The following DNA2 variants were observed in gnomAD, a reference collection of about 807,000 sequenced individuals.
The protein encoded by DNA2 is DNA replication helicase/nuclease 2.
DNA2 carries 101 observed loss-of-function variants against 119.1 expected under a neutral mutation model. That is an observed-to-expected ratio of 0.85 (90% CI 0.72 to 1.00). The LOEUF (loss-of-function observed/expected upper bound fraction) is 1.00. Among genes scored for constraint, DNA2 ranks in the 50% least tolerant of loss-of-function variants. DNA2 has a pLI of 0.00. For missense variants in DNA2, 1,121 were observed against 1,255.5 expected, an observed-to-expected ratio of 0.89 and a Z score of 1.62; for synonymous variants, 366 against 424.4, an observed-to-expected ratio of 0.86 and a Z score of 1.69.
At chr10:68,448,979 GTGTGTGTA>G (rs2052081408) in intron 6 of DNA2, among the ~76,000 whole-genome samples, 1 of 139,140 alleles carries the variant, frequency 7.2e-6, no homozygotes, top group Non-Finnish European at 1.5e-5. Flanking sequence ...GTGTGTGTGT[GTGTGTGTA>G]GTAGTTTCAC....
chr10:68,449,683 GGAGGCTGAGGAAGGCAGATCAC>G (rs1305094133), intron 6 of DNA2, among the ~76,000 whole-genome samples: 10 of 152,130 alleles, frequency 6.6e-5, no homozygotes, highest in Admixed American at 1.3e-4. Context: ...CAGCACTTTG[GGAGGCTGAGGAAGGCAGATCAC>G]GAGGTCAGAC....
At position 68,419,754 on chromosome 10, in the gene DNA2, C is replaced by CTTTTTTTTTTTTTTTTTTTTTT. The variant is rs1429308709; in HGVS notation, c.2787+48_2787+49insAAAAAAAAAAAAAAAAAAAAAA. On this transcript the variant is annotated intron_variant, in intron 18 of 20. Transcript: ENST00000358410. ...TGTAAGTGTCTTACAGTCTAACATT[C>CTTTTTTTTTTTTTTTTTTTTTT]TTTTATTCTGCACTTTAATATTTGC... 3 of 1,390,598 alleles carry CTTTTTTTTTTTTTTTTTTTTTT rather than the reference C, an allele frequency of 2.2e-6. No individual in the cohort carries two copies. The African/African-American group carries it at 4.3e-5, about 20-fold the overall frequency. The allele number at this position is 1,390,598 out of a possible 1,614,324, so 86.1% of individuals were successfully genotyped here. A position where few individuals can be genotyped will look rare whatever the true frequency, so the allele number is the denominator to read the frequency against.
chr10:68,424,619 T>A, intron 14 of DNA2: 1 of 1,496,110 alleles, frequency 6.7e-7, no homozygotes, highest in Non-Finnish European at 9.3e-7. Context: ...GTCACTTCCA[T>A]GCCCCCTTGC....
chr10:68,425,046 G>T, intron 14 of DNA2: 2 of 399,440 alleles, frequency 5.0e-6, no homozygotes, highest in Middle Eastern at 9.0e-4. Flanking sequence ...TTAGGCTAGT[G>T]TGTGTTTCTT....
At position 68,414,751 on chromosome 10, in the gene DNA2, TA is replaced by T. The variant is rs2051566976; in HGVS notation, c.*287del. 1 of 289,410 alleles carries T rather than the reference TA, an allele frequency of 3.5e-6. No homozygotes were observed. Among genetic ancestry groups the T allele is most frequent in the Non-Finnish European group, 6.5e-6 (1 of 153,154 alleles). 17.9% of individuals were successfully genotyped at this position (289,410 alleles called of 1,614,324 possible). On this transcript the variant is annotated 3_prime_UTR_variant, in exon 21 of 21. Coordinates refer to ENST00000358410, the MANE Select transcript of DNA2 (RefSeq NM_001080449.3). ...CTTTCAAATAAAGTTCTTACAATGA[TA>T]TCTACAAAATCAAATTAGTCCTGAA...
At chr10:68,423,196 A>C (rs1333755383) in intron 14 of DNA2, among the ~76,000 whole-genome samples, 1 of 151,824 alleles carries the variant, frequency 6.6e-6, no homozygotes, top group African/African-American at 2.4e-5. Flanking sequence ...TTGTTTGTTT[A>C]ATGTCAACCA....
chr10:68,440,300 T>G (rs1477611288), intron 9 of DNA2, among the ~76,000 whole-genome samples: 2 of 151,966 alleles, frequency 1.3e-5, no homozygotes, highest in Non-Finnish European at 2.9e-5. Context: ...TATTTTTTAT[T>G]TATTTATTTA....
intron 8 of DNA2, among the ~76,000 whole-genome samples, chr10:68,444,280 T>C (rs1164932978): frequency 1.3e-5 from 2 of 150,220 alleles, no homozygotes; most frequent in Admixed American, 1.3e-4. Flanking sequence ...GTCCCAGCTA[T>C]TCGGGAAGCT....
chr10:68,448,932 G>GGTGTGTGTGTGTGTGTGTGT (rs776191186), intron 6 of DNA2, among the ~76,000 whole-genome samples: 2 of 142,202 alleles, frequency 1.4e-5, no homozygotes, highest in African/African-American at 2.6e-5. Flanking sequence ...CACCACACCA[G>GGTGTGTGTGTGTGTGTGTGT]GTGTGTGTGT....
Position 68,415,189 on chromosome 10 carries a change from T to C in DNA2, c.3115-82A>G, listed in dbSNP as rs1052999168. The C allele has an allele frequency of 5.5e-5, 49 of 885,264 alleles. No individual in the cohort carries two copies. The highest frequency in any genetic ancestry group is 1.6e-4 in the African/African-American group (9 of 56,008). The allele number at this position is 885,264 out of a possible 1,614,324, so 54.8% of individuals were successfully genotyped here. On this transcript the variant is annotated intron_variant, in intron 20 of 20. Transcript: ENST00000358410. ...ACATTATTATTTAACATTTTGTAAT[T>C]TGACTTACAGGACCACAAAAAAAAA...
intron 5 of DNA2, among the ~76,000 whole-genome samples, chr10:68,457,534 G>C (rs960275491): frequency 6.6e-6 from 1 of 152,032 alleles, no homozygotes; most frequent in African/African-American, 2.4e-5. Context: ...ATTAATCACA[G>C]TCTGGTCCCC....
rs988943850 is a variant in DNA2, at chr10:68,451,759, C to CT, written c.720-1513dup. Among the ~76,000 whole-genome samples the CT allele has an allele frequency of 7.9e-3, 1,127 of 142,552 alleles. 6 individuals carry two copies. Among genetic ancestry groups the CT allele is most frequent in the African/African-American group, 0.025 (991 of 39,016 alleles). 93.5% of individuals were successfully genotyped at this position (142,552 alleles called of 152,430 possible). A position where few individuals can be genotyped will look rare whatever the true frequency, so the allele number is the denominator to read the frequency against. ...TCTTTTTTTGGACAGCTATTTCTTCCTTTTTTTTTTTAATAGAGACAGGCT... is the reference window on the plus strand; with the variant it reads ...TCTTTTTTTGGACAGCTATTTCTTCCTTTTTTTTTTTTAATAGAGACAGGCT... On this transcript the variant is annotated intron_variant, in intron 5 of 20. Coordinates refer to ENST00000358410, the MANE Select transcript of DNA2 (RefSeq NM_001080449.3).
Position 68,442,982 on chromosome 10 carries a change from C to A in DNA2, c.1350G>T (p.Leu450=). Residue 450 remains leucine (L), a synonymous_variant, in exon 9 of 21, where the codon CTG becomes CTT. Transcript: ENST00000358410. ...TTTTATTATCCTTCGATTGTGACTC[C>A]AGGGTTAACATTAGACACCAAAGGC... The part of the protein sequence containing the change: ...YFSLWCLMLT[L]ESQSKDNKKN... 3 of 1,612,530 alleles carry A rather than the reference C, an allele frequency of 1.9e-6. No individual in the cohort carries two copies. Among genetic ancestry groups the A allele is most frequent in the African/African-American group, 2.7e-5 (2 of 75,026 alleles).
At chr10:68,424,818 C>A (rs190448952) in intron 14 of DNA2, 64 of 975,672 alleles carry the variant, frequency 6.6e-5, no homozygotes, top group South Asian at 3.6e-4. Flanking sequence ...GCAGGTGCAG[C>A]GTGAGTAGGC....
At chr10:68,424,768 T>C (rs2051714861) in intron 14 of DNA2, 3 of 1,393,026 alleles carry the variant, frequency 2.2e-6, no homozygotes, top group African/African-American at 1.4e-5. Context: ...ATTGGCAAGG[T>C]AGTCCAGGTG....
chr10:68,435,652 T>A (rs1347347510), intron 10 of DNA2, among the ~76,000 whole-genome samples: 1 of 148,684 alleles, frequency 6.7e-6, no homozygotes, highest in Non-Finnish European at 1.5e-5. Flanking sequence ...AGAGACGGGG[T>A]TTCATCGTGT....
chr10:68,472,172 G>A (rs2052391780), upstream of DNA2: 1 of 1,304,148 alleles, frequency 7.7e-7, no homozygotes, highest in Non-Finnish European at 9.9e-7. Flanking sequence ...ACTCCAACCC[G>A]TGTCCGAAAC....
chr10:68,457,375 T>C (rs560422302), intron 5 of DNA2, among the ~76,000 whole-genome samples: 1 of 152,322 alleles, frequency 6.6e-6, no homozygotes, highest in South Asian at 2.1e-4. Context: ...TACAGACAGC[T>C]GTACGGTTCA....
rs1590074828 is a variant in DNA2, at chr10:68,463,024, G to A, written c.587+2643C>T. On this transcript the variant is annotated intron_variant, in intron 4 of 20. Coordinates refer to ENST00000358410, the MANE Select transcript of DNA2 (RefSeq NM_001080449.3). The stretch of plus-strand genomic sequence containing the variant: ...GCACACGCCTGTAATCCCAGCTAAA[G>A]AGAAGGCTGAGGCAGGAGAACCACT... Among the ~76,000 whole-genome samples, 6 of 152,042 alleles carry A rather than the reference G, an allele frequency of 3.9e-5. No homozygotes were observed. The South Asian group carries it at 1.2e-3, about 32-fold the overall frequency.
Sources: gnomAD v4.1 joint callset for allele counts (sites outside exome capture counted in the v4.1 genomes callset) on GRCh38, gnomAD v4.1.1 for gene constraint, MANE v1.5 for transcripts, NCBI Gene and HGNC (gene_info 2026-07-23, HGNC 2026-07-21) for gene names.